CELF2: variants seen among roughly 807,000 people sequenced by gnomAD.
CELF2 encodes CUGBP Elav-like family member 2, also known as CUG triplet repeat RNA-binding protein 2.
CELF2 carries 8 observed loss-of-function variants against 62.6 expected under a neutral mutation model. The ratio of observed to expected loss-of-function variants is 0.13; its 90% CI spans 0.07 to 0.23. The LOEUF is 0.23. Ranked by LOEUF, CELF2 falls within the 10% of genes least tolerant of loss-of-function variation. CELF2 has a pLI of 1.00. For synonymous variants in CELF2, 258 were observed against 250.0 expected (o/e 1.03, Z -0.30); for missense variants, 333 against 671.0 (o/e 0.50, Z 5.56).
chr10:10,700,950 C>G, the CELF2 span, among the ~76,000 whole-genome samples: 1 of 152,230 alleles, frequency 6.6e-6, no homozygotes, highest in Admixed American at 6.5e-5. Context: ...TACGCCTCCA[C>G]CTACCAAGTT....
chr10:11,197,062 G>A (rs1458779253), intron 2 of CELF2, among the ~76,000 whole-genome samples: 3 of 103,034 alleles, frequency 2.9e-5, no homozygotes, highest in Non-Finnish European at 6.2e-5. Flanking sequence ...AGAAAGAAAA[G>A]AAAGAAAGGA....
chr10:11,078,968 A>T (rs1301180563), intron 1 of CELF2, among the ~76,000 whole-genome samples: 1 of 152,136 alleles, frequency 6.6e-6, no homozygotes, highest in Non-Finnish European at 1.5e-5. Flanking sequence ...AATTGATTAA[A>T]TCACTTGAGC....
rs79043285 is a variant in CELF2, at chr10:11,294,327, C to T, written c.976+5775C>T. ...CACGTAGTCTTCCGGTGCCTGCCCA[C>T]ACTGCTTACATAAGCAAGGTCCCAT... On this transcript the variant is annotated intron_variant, in intron 9 of 12. Transcript: ENST00000633077. Among the ~76,000 whole-genome samples, 648 of 152,280 alleles carry T rather than the reference C, an allele frequency of 4.3e-3. 12 individuals carry two copies. Among genetic ancestry groups the T allele is most frequent in the East Asian group, 0.037 (193 of 5,182 alleles).
chr10:11,159,726 A>G lies in CELF2; in HGVS notation c.75-5760A>G, dbSNP rs888098826. 5.3e-5 allele frequency among the ~76,000 whole-genome samples: 8 copies of G among 152,368 alleles called. No homozygotes were observed. Among genetic ancestry groups the G allele is most frequent in the Non-Finnish European group, 1.0e-4 (7 of 68,040 alleles). On this transcript the variant is annotated intron_variant, in intron 1 of 12. Transcript: ENST00000633077. The surrounding 1 kb of genome is among the most constrained non-coding windows in gnomAD (Gnocchi z 5.0). Reference sequence around the variant, plus strand: ...GTTACCCGCCGGAGGCACCAGGCCCATCGCCAGGTTCTTTCTGCTTTTGCC... The same window carrying G: ...GTTACCCGCCGGAGGCACCAGGCCCGTCGCCAGGTTCTTTCTGCTTTTGCC...
At position 11,324,162 on chromosome 10, in the gene CELF2, C is replaced by T. The variant is rs1199391193; in HGVS notation, c.1295-1674C>T. Among the ~76,000 whole-genome samples the T allele has an allele frequency of 6.6e-6, 1 of 152,200 alleles. No homozygotes were observed. Among genetic ancestry groups the T allele is most frequent in the Non-Finnish European group, 1.5e-5 (1 of 68,028 alleles). ...GCAACATTCTAGAAAGCTAGGATTACTCAGGCATACCCAGTCATCTGTCAT... is the reference window on the plus strand; with the variant it reads ...GCAACATTCTAGAAAGCTAGGATTATTCAGGCATACCCAGTCATCTGTCAT... On this transcript the variant is annotated intron_variant, in intron 11 of 12. Coordinates refer to ENST00000633077, the MANE Select transcript of CELF2 (RefSeq NM_001326342.2). This position sits in a 1 kb window ranked among gnomAD's most constrained non-coding sequence, Gnocchi z 4.7.
chr10:10,854,413 C>G (rs2059581469), intron 1 of CELF2, among the ~76,000 whole-genome samples: 1 of 152,208 alleles, frequency 6.6e-6, no homozygotes, highest in South Asian at 2.1e-4. Context: ...ATGGCTCCTT[C>G]TGAATGGCCG....
the CELF2 span, among the ~76,000 whole-genome samples, chr10:10,767,822 C>G: frequency 2.8e-4 from 43 of 151,874 alleles, no homozygotes; most frequent in African/African-American, 9.2e-4. Context: ...CGGTGAAACC[C>G]CGTCTCTACT....
At chr10:10,718,988 T>C in the CELF2 span, among the ~76,000 whole-genome samples, 1 of 129,650 alleles carries the variant, frequency 7.7e-6, no homozygotes, top group Non-Finnish European at 1.7e-5. Context: ...TTATTCTCTT[T>C]TTTTTTTTTT....
chr10:10,699,719 G>C, the CELF2 span, among the ~76,000 whole-genome samples: 1 of 152,196 alleles, frequency 6.6e-6, no homozygotes, highest in Non-Finnish European at 1.5e-5. Flanking sequence ...GGCCAAGATT[G>C]CCAGAGAAGG....
rs1046869854 is a variant in CELF2 at position 11,267,651 on chromosome 10, T to C, written c.618+974T>C. Among the ~76,000 whole-genome samples, 6 of 152,242 alleles carry C rather than the reference T, an allele frequency of 3.9e-5. No homozygotes were observed. The highest frequency in any genetic ancestry group is 8.8e-5 in the Non-Finnish European group (6 of 68,048). On this transcript the variant is annotated intron_variant, in intron 6 of 12. Coordinates refer to ENST00000633077, the MANE Select transcript of CELF2 (RefSeq NM_001326342.2). The surrounding 1 kb of genome is among the most constrained non-coding windows in gnomAD (Gnocchi z 4.4). ...TTTTTTCTTGATTGAGCTTCTGTTT[T>C]CCCCCCATTTTGTTGGGGTTTTATT...
At chr10:11,129,659 T>G (rs1202804617) in intron 1 of CELF2, among the ~76,000 whole-genome samples, 1 of 152,200 alleles carries the variant, frequency 6.6e-6, no homozygotes, top group African/African-American at 2.4e-5. Flanking sequence ...TCTAGTTTGT[T>G]TGTGTAGAGG....
intron 2 of CELF2, among the ~76,000 whole-genome samples, chr10:11,188,920 T>C (rs1271402867): frequency 6.6e-6 from 1 of 152,228 alleles, no homozygotes; most frequent in Non-Finnish European, 1.5e-5. Flanking sequence ...ATCCAGTGTT[T>C]TCTTCATCTC....
chr10:10,964,410 C>A (rs2049893372), intron 2 of CELF2, among the ~76,000 whole-genome samples: 1 of 152,164 alleles, frequency 6.6e-6, no homozygotes, highest in Admixed American at 6.5e-5. Context: ...TTTAAGATGT[C>A]ATCTCGTGCC....
chr10:11,044,185 G>C (rs568060387), intron 1 of CELF2, among the ~76,000 whole-genome samples: 1 of 152,010 alleles, frequency 6.6e-6, no homozygotes, highest in Non-Finnish European at 1.5e-5. Context: ...CCCCTTCATC[G>C]CATTTTTTAC....
intron 1 of CELF2, among the ~76,000 whole-genome samples, chr10:10,858,985 G>A (rs980960846): frequency 6.6e-6 from 1 of 152,096 alleles, no homozygotes; most frequent in African/African-American, 2.4e-5. Flanking sequence ...CCCACAAGTG[G>A]TTCAACAACT....
chr10:11,029,611 A>T (rs1393804708), intron 1 of CELF2, among the ~76,000 whole-genome samples: 2 of 152,232 alleles, frequency 1.3e-5, no homozygotes, highest in Non-Finnish European at 2.9e-5. Flanking sequence ...CATTAGGGTG[A>T]ACCAGGGAAC....
At chr10:11,262,393 T>A (rs576782007) in intron 5 of CELF2, among the ~76,000 whole-genome samples, 1 of 152,170 alleles carries the variant, frequency 6.6e-6, no homozygotes, top group Non-Finnish European at 1.5e-5. Flanking sequence ...ACAACAAGCA[T>A]GTACACAGAA....
At chr10:10,875,167 A>T (rs1396620464) in intron 1 of CELF2, among the ~76,000 whole-genome samples, 1 of 152,210 alleles carries the variant, frequency 6.6e-6, no homozygotes, top group Non-Finnish European at 1.5e-5. Context: ...TGTGGAATTC[A>T]ATTTAAAATA....
At chr10:11,026,150 G>C (rs1401256637) in intron 1 of CELF2, among the ~76,000 whole-genome samples, 1 of 152,146 alleles carries the variant, frequency 6.6e-6, no homozygotes, top group Non-Finnish European at 1.5e-5. Context: ...GGTCCTCCGC[G>C]GACCACACCC....
Sources: gnomAD v4.1 joint callset for allele counts (sites outside exome capture counted in the v4.1 genomes callset) on GRCh38, gnomAD v4.1.1 for gene constraint, Gnocchi (gnomAD v3.1) non-coding constraint, MANE v1.5 for transcripts, NCBI Gene and HGNC (gene_info 2026-07-23, HGNC 2026-07-21) for gene names.